MLLT3: variants seen among roughly 807,000 people sequenced by gnomAD.
MLLT3 encodes MLLT3 super elongation complex subunit, also known as protein AF-9.
Under a neutral mutation model 53.2 loss-of-function variants are expected in MLLT3, and 4 were observed. The observed-to-expected ratio is 0.08, with a 90% CI of 0.04 to 0.17. MLLT3 has a LOEUF of 0.17. MLLT3 is among the 10% of genes least tolerant of loss of function. MLLT3 has a pLI of 1.00. For missense variants in MLLT3, 569 were observed against 684.0 expected (o/e 0.83, Z 1.87); for synonymous variants, 283 against 230.6 (o/e 1.23, Z -2.06).
At chr9:20,545,414 G>C (rs1818760584) in intron 2 of MLLT3, among the ~76,000 whole-genome samples, 3 of 152,160 alleles carry the variant, frequency 2.0e-5, no homozygotes, top group Admixed American at 2.0e-4. Context: ...GTGAAGGGGA[G>C]GGGATCCATT....
At chr9:20,552,384 G>T (rs1265811742) in intron 2 of MLLT3, among the ~76,000 whole-genome samples, 1 of 152,108 alleles carries the variant, frequency 6.6e-6, no homozygotes, top group Admixed American at 6.5e-5. Flanking sequence ...AATTTCCTCA[G>T]CCACCAAAAT....
intron 2 of MLLT3, among the ~76,000 whole-genome samples, chr9:20,511,094 T>C (rs1825523351): frequency 6.6e-6 from 1 of 152,196 alleles, no homozygotes; most frequent in South Asian, 2.1e-4. Context: ...ACTGGTATTA[T>C]TTAATATTAT....
chr9:20,415,476 A>G, intron 4 of MLLT3: 1 of 967,124 alleles, frequency 1.0e-6, no homozygotes, highest in Non-Finnish European at 1.2e-6. Context: ...AGAATAAGAA[A>G]CAGAGAAGAT....
chr9:20,365,636 A>C, intron 6 of MLLT3, 33 bp downstream of exon 6: 1 of 1,612,616 alleles, frequency 6.2e-7, no homozygotes, highest in Non-Finnish European at 8.5e-7. Flanking sequence ...TTTATGAGAA[A>C]AGCATCTCCT....
rs543486727 is a variant in MLLT3, at chr9:20,535,837, G to A, written c.194-79051C>T. 3.9e-5 allele frequency among the ~76,000 whole-genome samples: 6 copies of A among 152,200 alleles called. No homozygotes were observed. In the South Asian group the frequency reaches 1.2e-3, roughly 32 times the overall value. On this transcript the variant is annotated intron_variant, in intron 2 of 10. Coordinates refer to ENST00000380338, the MANE Select transcript of MLLT3 (RefSeq NM_004529.4). ...TACCGGCAAGTGTTAGGAGAAATAG[G>A]AAGATGCCCATCCATTTTTAAGCTA...
chr9:20,502,584 G>T lies in MLLT3; in HGVS notation c.194-45798C>A, dbSNP rs78513772. Among the ~76,000 whole-genome samples the T allele has an allele frequency of 0.011, 1,610 of 152,236 alleles. 70 individuals carry two copies. In the East Asian group the frequency reaches 0.15, roughly 15 times the overall value. ...TTGTCATTATTCCCTAAGCAATACA[G>T]TATACCAACTATTTATATAACATTT... On this transcript the variant is annotated intron_variant, in intron 2 of 10. Coordinates refer to ENST00000380338, the MANE Select transcript of MLLT3 (RefSeq NM_004529.4).
intron 2 of MLLT3, among the ~76,000 whole-genome samples, chr9:20,592,970 G>A (rs2131188341): frequency 6.6e-6 from 1 of 152,256 alleles, no homozygotes; most frequent in South Asian, 2.1e-4. Flanking sequence ...AAGGGCAGGT[G>A]GAGTTTATAT....
At chr9:20,517,404 A>C (rs1817941415) in intron 2 of MLLT3, among the ~76,000 whole-genome samples, 2 of 152,032 alleles carry the variant, frequency 1.3e-5, no homozygotes, top group South Asian at 2.1e-4. Flanking sequence ...CCCCAATAAA[A>C]GGAACCAAGG....
At chr9:20,578,642 T>A (rs10811368) in intron 2 of MLLT3, among the ~76,000 whole-genome samples, 64,168 of 152,048 alleles carry the variant, frequency 0.42, 14,007 homozygotes, top group Middle Eastern at 0.5. Context: ...CAAATGTGGC[T>A]AGTGCAACTG....
At chr9:20,357,931 T>C (rs758876073) in intron 8 of MLLT3, among the ~76,000 whole-genome samples, 1 of 151,664 alleles carries the variant, frequency 6.6e-6, no homozygotes, top group Non-Finnish European at 1.5e-5. Flanking sequence ...AGATTCATAC[T>C]CTTTCTCTAT....
chr9:20,543,215 C>A (rs968001052), intron 2 of MLLT3, among the ~76,000 whole-genome samples: 2 of 152,210 alleles, frequency 1.3e-5, no homozygotes, highest in Non-Finnish European at 2.9e-5. Flanking sequence ...TAGTTTCCTG[C>A]AAGAAATTTT....
intron 2 of MLLT3, among the ~76,000 whole-genome samples, chr9:20,552,889 A>G (rs1000122390): frequency 6.6e-6 from 1 of 152,164 alleles, no homozygotes; most frequent in Admixed American, 6.5e-5. Flanking sequence ...GAGCCTTGTA[A>G]AGGTACAACC....
At chr9:20,363,699 C>A in intron 6 of MLLT3, 94 bp from the exon 7 acceptor site, 1 of 1,180,106 alleles carries the variant, frequency 8.5e-7, no homozygotes, top group East Asian at 2.6e-5. Context: ...GCACTGAACA[C>A]TGGTTAAAAA....
chr9:20,368,373 A>G (rs1347323206), intron 5 of MLLT3, among the ~76,000 whole-genome samples: 1 of 152,186 alleles, frequency 6.6e-6, no homozygotes, highest in East Asian at 1.9e-4. Flanking sequence ...TTATTTTGAT[A>G]GCTCTGGAAA....
At chr9:20,475,338 C>T (rs573955974) in intron 2 of MLLT3, among the ~76,000 whole-genome samples, 5 of 152,102 alleles carry the variant, frequency 3.3e-5, no homozygotes, top group Non-Finnish European at 7.4e-5. Flanking sequence ...ATCCCATCCC[C>T]TAACTCTTAA....
chr9:20,608,637 T>C (rs1820627834), intron 2 of MLLT3, among the ~76,000 whole-genome samples: 1 of 151,602 alleles, frequency 6.6e-6, no homozygotes, highest in South Asian at 2.1e-4. Context: ...AGGAAAAGAC[T>C]CAAAACGACA....
At chr9:20,363,155 G>C (rs982463910) in intron 7 of MLLT3, 7 of 219,492 alleles carry the variant, frequency 3.2e-5, no homozygotes, top group Non-Finnish European at 6.2e-5. Context: ...TCCAGCAGTG[G>C]ATCAACACAA....
At chr9:20,606,039 T>C (rs1211126326) in intron 2 of MLLT3, among the ~76,000 whole-genome samples, 1 of 152,176 alleles carries the variant, frequency 6.6e-6, no homozygotes, top group Non-Finnish European at 1.5e-5. Context: ...ACTTAAACCA[T>C]ACTTCTTCAA....
At chr9:20,364,499 G>A (rs907974621) in intron 6 of MLLT3, among the ~76,000 whole-genome samples, 5 of 152,148 alleles carry the variant, frequency 3.3e-5, no homozygotes, top group Admixed American at 2.0e-4. Flanking sequence ...ACTTTCATTC[G>A]GGATTAGGCA....
Sources: gnomAD v4.1 joint callset for allele counts (sites outside exome capture counted in the v4.1 genomes callset) on GRCh38, gnomAD v4.1.1 for gene constraint, MANE v1.5 for transcripts, NCBI Gene and HGNC (gene_info 2026-07-23, HGNC 2026-07-21) for gene names.